The following CDH11 variants were observed in gnomAD, a reference collection of about 807,000 sequenced individuals.
The protein encoded by CDH11 is cadherin-11.
Under a neutral mutation model 67.8 loss-of-function variants are expected in CDH11, and 11 were observed. The observed-to-expected ratio is 0.16, with a 90% CI of 0.10 to 0.27. The LOEUF (loss-of-function observed/expected upper bound fraction) is 0.27. CDH11 is among the 10% of genes least tolerant of loss of function. CDH11 has a pLI of 1.00. For missense variants in CDH11, 847 were observed against 1,031.2 expected, an observed-to-expected ratio of 0.82 and a Z score of 2.45; for synonymous variants, 419 against 400.0, an observed-to-expected ratio of 1.05 and a Z score of -0.57.
At chr16:65,077,552 C>T (rs1221588779) in intron 1 of CDH11, among the ~76,000 whole-genome samples, 1 of 152,174 alleles carries the variant, frequency 6.6e-6, no homozygotes, top group Non-Finnish European at 1.5e-5. Flanking sequence ...AAGAAGTTAA[C>T]AAGTGCTGCA....
chr16:64,995,060 G>A (rs1471819778), intron 4 of CDH11, among the ~76,000 whole-genome samples: 1 of 152,106 alleles, frequency 6.6e-6, no homozygotes, highest in Non-Finnish European at 1.5e-5. Context: ...AATCATAGAT[G>A]ACACAAACAA....
chr16:65,016,348 G>T (rs2142563607), intron 2 of CDH11, among the ~76,000 whole-genome samples: 1 of 152,120 alleles, frequency 6.6e-6, no homozygotes, highest in South Asian at 2.1e-4. Flanking sequence ...AAGGGTAAAA[G>T]AAAAGTAATG....
At chr16:64,980,154 G>C (rs772697765) in intron 8 of CDH11, among the ~76,000 whole-genome samples, 1 of 152,086 alleles carries the variant, frequency 6.6e-6, no homozygotes, top group Non-Finnish European at 1.5e-5. Flanking sequence ...CAGTGGTAAT[G>C]GTTGAACATC....
At chr16:65,111,639 T>C (rs2075158561) in intron 1 of CDH11, among the ~76,000 whole-genome samples, 1 of 151,304 alleles carries the variant, frequency 6.6e-6, no homozygotes, top group Admixed American at 6.6e-5. Flanking sequence ...TGCCTAGATT[T>C]CTGGCTTCAG....
chr16:65,075,298 G>A (rs745489144), intron 1 of CDH11, among the ~76,000 whole-genome samples: 1 of 152,222 alleles, frequency 6.6e-6, no homozygotes, highest in Non-Finnish European at 1.5e-5. Flanking sequence ...CACTCAGGCA[G>A]AGGATTAGAG....
rs34427886 is a variant in CDH11 at position 64,945,337 on chromosome 16, A to T, written c.*2266T>A. On this transcript the variant is annotated 3_prime_UTR_variant, in exon 13 of 13. Coordinates refer to ENST00000268603, the MANE Select transcript of CDH11 (RefSeq NM_001797.4). ...AAAAAAAAGAAAAAGAAAAACAAGTATTCTTAACTACTGAAAAGTAAACAG... is the reference window on the plus strand; with the variant it reads ...AAAAAAAAGAAAAAGAAAAACAAGTTTTCTTAACTACTGAAAAGTAAACAG... The T allele has an allele frequency of 1.2e-6, 1 of 825,984 alleles. No individual in the cohort carries two copies. Among genetic ancestry groups the T allele is most frequent in the Non-Finnish European group, 1.5e-6 (1 of 669,358 alleles). 51.2% of individuals were successfully genotyped at this position (825,984 alleles called of 1,614,324 possible).
At chr16:64,962,777 T>C (rs561969624) in intron 11 of CDH11, among the ~76,000 whole-genome samples, 56 of 152,316 alleles carry the variant, frequency 3.7e-4, no homozygotes, top group African/African-American at 1.1e-3. Context: ...CCTAATCTTC[T>C]GGGATTTTAT....
At chr16:64,948,908 C>A in intron 12 of CDH11, 3 of 698,244 alleles carry the variant, frequency 4.3e-6, no homozygotes, top group South Asian at 4.3e-5. Context: ...TCCCATACAC[C>A]CAGCAAGGCT....
upstream of CDH11, among the ~76,000 whole-genome samples, chr16:65,122,887 GC>G (rs1240744856): frequency 6.6e-6 from 1 of 152,192 alleles, no homozygotes; most frequent in African/African-American, 2.4e-5. Context: ...GGTATCAGTG[GC>G]CCCCGCCGGT....
At chr16:64,986,733 A>G (rs1224080030) in intron 7 of CDH11, 1 of 152,120 alleles carries the variant, frequency 6.6e-6, no homozygotes, top group Non-Finnish European at 1.5e-5. Flanking sequence ...ATTAATGTAG[A>G]CTTTTCCAAG....
At chr16:65,110,621 A>G (rs1358622185) in intron 1 of CDH11, among the ~76,000 whole-genome samples, 4 of 137,886 alleles carry the variant, frequency 2.9e-5, no homozygotes, top group Non-Finnish European at 4.6e-5. Flanking sequence ...TCCATGGCCA[A>G]TGATGTGTGT....
At chr16:65,047,599 C>G (rs991681277) in intron 2 of CDH11, among the ~76,000 whole-genome samples, 1 of 152,132 alleles carries the variant, frequency 6.6e-6, no homozygotes, top group Non-Finnish European at 1.5e-5. Context: ...ATCTGCCCAC[C>G]TTGGCCTCCC....
At chr16:64,967,264 C>CTGGA (rs1462398178) in intron 11 of CDH11, among the ~76,000 whole-genome samples, 2 of 152,140 alleles carry the variant, frequency 1.3e-5, no homozygotes, top group Non-Finnish European at 2.9e-5. Context: ...GTTGCCCAGG[C>CTGGA]TGGAGTGCAG....
At chr16:64,954,299 T>C (rs575356571) in intron 11 of CDH11, among the ~76,000 whole-genome samples, 3 of 152,328 alleles carry the variant, frequency 2.0e-5, no homozygotes, top group African/African-American at 7.2e-5. Flanking sequence ...GCTTCACATA[T>C]AGATTTTAAG....
intron 3 of CDH11, among the ~76,000 whole-genome samples, chr16:65,004,089 T>C (rs562779170): frequency 1.3e-5 from 2 of 152,322 alleles, no homozygotes; most frequent in South Asian, 4.1e-4. Context: ...AGTTTGAGCC[T>C]GGCGTAGTGG....
chr16:65,078,773 C>T (rs1211842530), intron 1 of CDH11, among the ~76,000 whole-genome samples: 1 of 152,106 alleles, frequency 6.6e-6, no homozygotes, highest in Non-Finnish European at 1.5e-5. Context: ...TAGACAGACT[C>T]CAGATCCTCA....
intron 5 of CDH11, 101 bp from the exon 6 acceptor site, chr16:64,992,036 A>G (rs1278718691): frequency 5.3e-6 from 4 of 756,620 alleles, no homozygotes; most frequent in African/African-American, 1.7e-5. Flanking sequence ...AAAATATCCC[A>G]TGCCCTCAGC....
intron 2 of CDH11, among the ~76,000 whole-genome samples, chr16:65,047,464 G>A (rs2073982236): frequency 6.6e-6 from 1 of 151,702 alleles, no homozygotes. Context: ...TGATTCTCCT[G>A]CCTCAGCCTC....
At chr16:65,013,873 A>G (rs1358180785) in intron 2 of CDH11, among the ~76,000 whole-genome samples, 1 of 152,064 alleles carries the variant, frequency 6.6e-6, no homozygotes, top group Non-Finnish European at 1.5e-5. Flanking sequence ...ACCAGTCTCA[A>G]AGGGAGAGTG....
Sources: gnomAD v4.1 joint callset for allele counts (sites outside exome capture counted in the v4.1 genomes callset) on GRCh38, gnomAD v4.1.1 for gene constraint, MANE v1.5 for transcripts, NCBI Gene and HGNC (gene_info 2026-07-23, HGNC 2026-07-21) for gene names.